The following KANK1 variants were observed in gnomAD, a reference collection of about 807,000 sequenced individuals.
The protein encoded by KANK1 is KN motif and ankyrin repeat domain-containing protein 1.
In KANK1, 109 loss-of-function variants were observed where a neutral mutation model predicts 106.2. The observed-to-expected ratio is 1.03, with a 90% CI of 0.88 to 1.20. The LOEUF (loss-of-function observed/expected upper bound fraction) is 1.20, where lower values mean the gene tolerates loss of function less well. Ranked by LOEUF, KANK1 falls within the 50% of genes most tolerant of loss-of-function variation. KANK1 has a pLI of 0.00. For missense variants in KANK1, 2,399 were observed against 1,710.7 expected (o/e 1.40, Z -7.10); for synonymous variants, 873 against 652.2 (o/e 1.34, Z -5.16).
At chr9:690,333 A>G (rs1443507092) in intron 2 of KANK1, among the ~76,000 whole-genome samples, 1 of 150,318 alleles carries the variant, frequency 6.7e-6, no homozygotes, top group African/African-American at 2.4e-5. Context: ...AAAAAAGGCT[A>G]CAAGAGAGAA....
chr9:574,713 G>T (rs1231376458), intron 1 of KANK1, among the ~76,000 whole-genome samples: 1 of 151,844 alleles, frequency 6.6e-6, no homozygotes, highest in Non-Finnish European at 1.5e-5. Context: ...AAATTAGCCA[G>T]GCATGGTGGC....
At chr9:716,702 G>A (rs1023500917) in intron 3 of KANK1, among the ~76,000 whole-genome samples, 2 of 152,108 alleles carry the variant, frequency 1.3e-5, no homozygotes, top group African/African-American at 2.4e-5. Flanking sequence ...ATTTTTAGCA[G>A]CATCATAATG....
rs1218842852 is a variant in KANK1, at chr9:740,807, A to G, written c.3569A>G (p.Asp1190Gly). 5 of 1,610,292 alleles carry G rather than the reference A, an allele frequency of 3.1e-6. No individual in the cohort carries two copies. Among genetic ancestry groups the G allele is most frequent in the African/African-American group, 1.4e-5 (1 of 73,860 alleles). ...LLLDADVCNV[D>G]HQNKAGYTPI... ...TTTTTTACAGATGTGTGTAATGTGG[A>G]TCACCAGAACAAGGCAGGCTACACC... The change falls in exon 9 of 12, where the codon GAT becomes GGT. Residue 1190 changes from aspartate (D) to glycine (G), a missense_variant. Transcript: ENST00000382297.
chr9:498,261 C>T lies in KANK1; in HGVS notation c.-362+24988C>T, dbSNP rs974834360. 2.6e-5 allele frequency among the ~76,000 whole-genome samples: 4 copies of T among 152,108 alleles called. No individual in the cohort carries two copies. In the South Asian group the frequency reaches 6.2e-4, roughly 24 times the overall value. Reference sequence around the variant, plus strand: ...TTAGCAGATAACTAATTGCACCACACGAAGGTCTACTACAGAAATGGGCTG... The same window carrying T: ...TTAGCAGATAACTAATTGCACCACATGAAGGTCTACTACAGAAATGGGCTG... On this transcript the variant is annotated intron_variant, in intron 3 of 15. Coordinates refer to the KANK1 transcript ENST00000382303.
rs1208868520 is a variant in KANK1, at chr9:599,024, T to A, written c.-83-77866T>A. Among the ~76,000 whole-genome samples the A allele has an allele frequency of 1.1e-3, 164 of 149,480 alleles. 1 individual carries two copies. The highest frequency in any genetic ancestry group is 4.7e-3 in the East Asian group (24 of 5,130). ...TGATTTGTATTTATTATTATTATTT[T>A]TTTTTTTTTTTGAGACGGAGTTTCG... On this transcript the variant is annotated intron_variant, in intron 1 of 11. Coordinates refer to ENST00000382297, the MANE Select transcript of KANK1 (RefSeq NM_015158.5).
chr9:660,135 C>G (rs1373775276), intron 1 of KANK1: 2 of 378,208 alleles, frequency 5.3e-6, no homozygotes, highest in Non-Finnish European at 1.1e-5. Context: ...GTCCAAGGGA[C>G]TGCTGATGAT....
At chr9:586,364 G>A (rs909977040) in intron 1 of KANK1, among the ~76,000 whole-genome samples, 1 of 152,188 alleles carries the variant, frequency 6.6e-6, no homozygotes, top group Admixed American at 6.5e-5. Context: ...TGGATAGGCT[G>A]TGATCTGCAG....
Position 742,246 on chromosome 9 carries a change from G to C in KANK1, c.3738G>C (p.Arg1246=), listed in dbSNP as rs150893485. 36 of 1,614,062 alleles carry C rather than the reference G, an allele frequency of 2.2e-5. No individual in the cohort carries two copies. The highest frequency in any genetic ancestry group is 1.6e-4 in the Middle Eastern group (1 of 6,084). The part of the protein sequence containing the change: ...TALMLAVSHG[R]IDMVKGLLAC... ...TCATGCTGGCGGTCAGTCACGGACG[G>C]ATAGACATGGTGAAGGGCCTTCTGG... Residue 1246 remains arginine, a synonymous_variant, in exon 10 of 12, where the codon CGG becomes CGC. Coordinates refer to ENST00000382297, the MANE Select transcript of KANK1 (RefSeq NM_015158.5).
At chr9:548,046 T>C (rs1191903739) in intron 1 of KANK1, among the ~76,000 whole-genome samples, 2 of 152,234 alleles carry the variant, frequency 1.3e-5, no homozygotes, top group African/African-American at 4.8e-5. Context: ...ATAACTATGA[T>C]AGCATATGGT....
At chr9:732,334 C>G (rs764762578) in intron 5 of KANK1, 44 bp from the exon 6 acceptor site, 1 of 1,578,180 alleles carries the variant, frequency 6.3e-7, no homozygotes, top group Non-Finnish European at 8.6e-7. Context: ...ACTGGGTCTT[C>G]GTGAGCACAC....
chr9:559,698 CAT>C lies in KANK1; in HGVS notation c.-84+54945_-84+54946del, dbSNP rs940354232. Among the ~76,000 whole-genome samples the C allele has an allele frequency of 4.3e-4, 65 of 152,158 alleles. 1 individual carries two copies. Among genetic ancestry groups the C allele is most frequent in the African/African-American group, 1.6e-3 (65 of 41,440 alleles). ...ACAGATATTTTTCAGAAATGAAAAA[CAT>C]GTACATTTTCTGACATAGGGAATGA... On this transcript the variant is annotated intron_variant, in intron 1 of 11. Coordinates refer to ENST00000382297, the MANE Select transcript of KANK1 (RefSeq NM_015158.5).
At chr9:562,713 T>A (rs925486582) in intron 1 of KANK1, among the ~76,000 whole-genome samples, 16 of 152,206 alleles carry the variant, frequency 1.1e-4, no homozygotes, top group African/African-American at 3.9e-4. Flanking sequence ...TTTACAAATA[T>A]TAGTTGTCAA....
intron 1 of KANK1, among the ~76,000 whole-genome samples, chr9:665,840 T>G (rs1271993710): frequency 6.6e-6 from 1 of 152,144 alleles, no homozygotes; most frequent in Non-Finnish European, 1.5e-5. Context: ...ATTTAATCAG[T>G]TTTTTATAGT....
At chr9:709,956 T>G (rs1369102986) in intron 2 of KANK1, among the ~76,000 whole-genome samples, 1 of 152,190 alleles carries the variant, frequency 6.6e-6, no homozygotes, top group Non-Finnish European at 1.5e-5. Context: ...AAATATTTAG[T>G]AAGGACTTAC....
intron 1 of KANK1, among the ~76,000 whole-genome samples, chr9:525,313 C>A (rs2059738487): frequency 6.6e-6 from 1 of 150,750 alleles, no homozygotes; most frequent in East Asian, 1.9e-4. Flanking sequence ...CTTCTTAAAC[C>A]CAAGGACCCT....
At chr9:744,365 G>C (rs1303656188) in intron 10 of KANK1, 126 bp from the exon 11 acceptor site, 2 of 1,103,060 alleles carry the variant, frequency 1.8e-6, no homozygotes, top group East Asian at 5.2e-5. Flanking sequence ...TTTCCCAGAA[G>C]ACCGAACGAG....
intron 1 of KANK1, among the ~76,000 whole-genome samples, chr9:598,129 C>T (rs1007262084): frequency 6.6e-6 from 1 of 151,672 alleles, no homozygotes; most frequent in Non-Finnish European, 1.5e-5. Flanking sequence ...GACAGTATTT[C>T]CCCATTTGAA....
At chr9:503,546 G>A (rs554831894), upstream of KANK1, among the ~76,000 whole-genome samples, 107 of 152,156 alleles carry the variant, frequency 7.0e-4, no homozygotes, top group Admixed American at 2.7e-3. Flanking sequence ...AAGTTTGATG[G>A]CTCTTCACTT....
intron 1 of KANK1, among the ~76,000 whole-genome samples, chr9:577,451 G>A (rs769869656): frequency 2.8e-4 from 42 of 152,056 alleles, no homozygotes; most frequent in Admixed American, 5.9e-4. Flanking sequence ...GCTGATTGGC[G>A]CGCTTACAAA....
Sources: gnomAD v4.1 joint callset for allele counts (sites outside exome capture counted in the v4.1 genomes callset) on GRCh38, gnomAD v4.1.1 for gene constraint, MANE v1.5 for transcripts, NCBI Gene and HGNC (gene_info 2026-07-23, HGNC 2026-07-21) for gene names.